The following EXD3 variants were observed in gnomAD, a reference collection of about 807,000 sequenced individuals.
The protein encoded by EXD3 is exonuclease mut-7 homolog.
EXD3 carries 92 observed loss-of-function variants against 98.0 expected under a neutral mutation model. The observed-to-expected ratio is 0.94, with a 90% CI of 0.79 to 1.12. The LOEUF (loss-of-function observed/expected upper bound fraction) is 1.12, where lower values mean the gene tolerates loss of function less well. EXD3 is among the 50% of genes most tolerant of loss of function. The pLI is 0.00. For missense variants in EXD3, 1,222 were observed against 1,191.6 expected (o/e 1.03, Z -0.38); for synonymous variants, 569 against 526.0 (o/e 1.08, Z -1.12).
intron 1 of EXD3, among the ~76,000 whole-genome samples, chr9:137,415,982 T>C (rs1838213699): frequency 6.6e-6 from 1 of 152,222 alleles, no homozygotes; most frequent in African/African-American, 2.4e-5. Flanking sequence ...GCTTTCTGTT[T>C]TGTATTTTCT....
intron 2 of EXD3, among the ~76,000 whole-genome samples, chr9:137,386,229 G>A (rs1033650742): frequency 1.4e-4 from 21 of 152,100 alleles, no homozygotes; most frequent in Non-Finnish European, 2.8e-4. Context: ...GGGAGGTTGA[G>A]GCTGCAGTGA....
intron 19 of EXD3, among the ~76,000 whole-genome samples, chr9:137,321,998 C>T (rs192521897): frequency 6.6e-6 from 1 of 152,284 alleles, no homozygotes; most frequent in Non-Finnish European, 1.5e-5. Flanking sequence ...TCAGCCCAGT[C>T]CCCCACTGGG....
intron 1 of EXD3, among the ~76,000 whole-genome samples, chr9:137,402,787 A>T (rs1837531119): frequency 6.6e-6 from 1 of 152,180 alleles, no homozygotes; most frequent in African/African-American, 2.4e-5. Flanking sequence ...TGAGACTCAG[A>T]ACAAAAACAA....
At chr9:137,351,660 G>C (rs1834313339) in intron 12 of EXD3, 132 bp from the exon 13 acceptor site, 1 of 822,288 alleles carries the variant, frequency 1.2e-6, no homozygotes, top group South Asian at 1.8e-5. Context: ...CATGTTTATA[G>C]GGCTGGGGCT....
chr9:137,355,671 G>GGAGGAA (rs1564509096), intron 8 of EXD3, among the ~76,000 whole-genome samples: 5 of 19,068 alleles, frequency 2.6e-4, no homozygotes, highest in African/African-American at 5.6e-4. Flanking sequence ...GAAGGAGAAA[G>GGAGGAA]GGAGGATGGA....
chr9:137,378,480 G>A (rs536015203), intron 3 of EXD3, among the ~76,000 whole-genome samples: 46 of 152,276 alleles, frequency 3.0e-4, no homozygotes, highest in Non-Finnish European at 5.1e-4. Context: ...TAAAGTGCTG[G>A]GATTACAGCC....
chr9:137,420,443 C>A (rs1449704469), intron 1 of EXD3, among the ~76,000 whole-genome samples: 1 of 152,138 alleles, frequency 6.6e-6, no homozygotes, highest in Non-Finnish European at 1.5e-5. Context: ...CAATGTAGTT[C>A]TTTGCATGAG....
intron 1 of EXD3, among the ~76,000 whole-genome samples, chr9:137,408,520 C>G (rs376446338): frequency 1.6e-3 from 198 of 123,178 alleles, no homozygotes; most frequent in Middle Eastern, 0.01. Flanking sequence ...ACACTCCAGC[C>G]TGGGCGATAG....
At chr9:137,379,097 T>C (rs1278642278) in intron 3 of EXD3, among the ~76,000 whole-genome samples, 1 of 88,296 alleles carries the variant, frequency 1.1e-5, no homozygotes, top group Non-Finnish European at 2.1e-5. Context: ...ACGGTGACCA[T>C]TGCCTGTGGC....
At chr9:137,330,872 G>A (rs1833035121) in intron 17 of EXD3, among the ~76,000 whole-genome samples, 1 of 152,152 alleles carries the variant, frequency 6.6e-6, no homozygotes, top group Non-Finnish European at 1.5e-5. Flanking sequence ...CATGCAACAA[G>A]TGGTCCACAC....
intron 2 of EXD3, among the ~76,000 whole-genome samples, chr9:137,384,633 G>A (rs1836492010): frequency 6.6e-6 from 1 of 152,244 alleles, no homozygotes; most frequent in Admixed American, 6.5e-5. Flanking sequence ...TGATTACACA[G>A]AAAGCCACGA....
At chr9:137,419,248 C>G (rs554857415) in intron 1 of EXD3, among the ~76,000 whole-genome samples, 1 of 152,164 alleles carries the variant, frequency 6.6e-6, no homozygotes, top group Admixed American at 6.6e-5. Flanking sequence ...GTCGTGATTA[C>G]GATTATATGT....
Position 137,325,793 on chromosome 9 carries a change from A to G in EXD3, c.1999-1650T>C, listed in dbSNP as rs140813948. ...TCAAAAACATCAGAGCTAATACTAT[A>G]AAACTCTTAGAAGAGGCTGGGCAAG... On this transcript the variant is annotated intron_variant, in intron 17 of 21. Coordinates refer to ENST00000340951, the MANE Select transcript of EXD3 (RefSeq NM_017820.5). 2.3e-3 allele frequency among the ~76,000 whole-genome samples: 357 copies of G among 152,278 alleles called. 2 individuals are homozygous for G. Among genetic ancestry groups the G allele is most frequent in the African/African-American group, 8.4e-3 (348 of 41,544 alleles).
chr9:137,314,669 C>T (rs1056381489), intron 19 of EXD3, among the ~76,000 whole-genome samples: 2 of 152,162 alleles, frequency 1.3e-5, no homozygotes, highest in African/African-American at 4.8e-5. Context: ...CTCCCCCACC[C>T]AGCCGCTGCC....
At chr9:137,355,101 G>A (rs1834552994) in intron 8 of EXD3, among the ~76,000 whole-genome samples, 1 of 152,206 alleles carries the variant, frequency 6.6e-6, no homozygotes, top group Non-Finnish European at 1.5e-5. Context: ...TTCTCTCACT[G>A]GCACGTGGAA....
chr9:137,328,295 G>T (rs58678465), intron 17 of EXD3, among the ~76,000 whole-genome samples: 6 of 436 alleles, frequency 0.014, no homozygotes, highest in South Asian at 0.056. Flanking sequence ...TAAAAACAAC[G>T]AATAAACACC....
rs1834974924 is a variant in EXD3, at chr9:137,360,756, C to T, written c.657-4388G>A. 4.6e-5 allele frequency among the ~76,000 whole-genome samples: 4 copies of T among 86,088 alleles called. No individual in the cohort carries two copies. The Admixed American group carries it at 5.6e-4, about 12-fold the overall frequency. The allele number at this position is 86,088 out of a possible 152,430, so 56.5% of individuals were successfully genotyped here. The stretch of plus-strand genomic sequence containing the variant: ...GAATACAGGTGTGAGCCACCGCACC[C>T]AGCCTTTATTCTTAGTGATTTTATA... On this transcript the variant is annotated intron_variant, in intron 7 of 21. Coordinates refer to ENST00000340951, the MANE Select transcript of EXD3 (RefSeq NM_017820.5).
At chr9:137,392,688 TGCTGTGTCTGTTCTGGGGGG>T (rs1588412981) in intron 2 of EXD3, 3 of 287,300 alleles carry the variant, frequency 1.0e-5, no homozygotes, top group South Asian at 8.6e-5. Flanking sequence ...TTCCAGGGGG[TGCTGTGTCTGTTCTGGGGGG>T]GCTGTGTCTG....
At chr9:137,388,361 C>A (rs1457799744) in intron 2 of EXD3, among the ~76,000 whole-genome samples, 1 of 152,090 alleles carries the variant, frequency 6.6e-6, no homozygotes, top group African/African-American at 2.4e-5. Flanking sequence ...GACGGGAGGA[C>A]GGATGGTTGC....
Sources: allele counts gnomAD v4.1 joint callset (sites outside exome capture counted in the v4.1 genomes callset), GRCh38; gene constraint gnomAD v4.1.1; transcripts MANE v1.5; gene names NCBI Gene and HGNC (gene_info 2026-07-23, HGNC 2026-07-21).